PDE9A: variants seen among roughly 807,000 people sequenced by gnomAD.
PDE9A encodes the protein phosphodiesterase 9A.
PDE9A carries 60 observed loss-of-function variants against 87.4 expected under a neutral mutation model. That is an observed-to-expected ratio of 0.69 (90% CI 0.56 to 0.85). PDE9A has a LOEUF of 0.85. Among genes scored for constraint, PDE9A ranks in the 40% least tolerant of loss-of-function variants. PDE9A has a pLI of 0.00. For synonymous variants in PDE9A, 272 were observed against 279.4 expected (o/e 0.97, Z 0.27); for missense variants, 665 against 779.0 (o/e 0.85, Z 1.74).
chr21:42,665,036 C>G (rs1450855736), intron 1 of PDE9A, among the ~76,000 whole-genome samples: 1 of 152,226 alleles, frequency 6.6e-6, no homozygotes, highest in Admixed American at 6.5e-5. Flanking sequence ...AGCCCATATG[C>G]CCGCCATCCT....
Position 42,726,624 on chromosome 21 carries a change from A to ATATTTTTTTT in PDE9A, c.263-5145_263-5144insATTTTTTTTT. 3.0e-3 allele frequency among the ~76,000 whole-genome samples: 59 copies of ATATTTTTTTT among 19,774 alleles called. 2 individuals are homozygous for ATATTTTTTTT. The highest frequency in any genetic ancestry group is 0.012 in the South Asian group (3 of 246). 13.0% of individuals were successfully genotyped at this position (19,774 alleles called of 152,430 possible). On this transcript the variant is annotated intron_variant, in intron 4 of 19. Transcript: ENST00000291539. Reference sequence around the variant, plus strand: ...TATATATATATATATATATATATATATTTTTTTTTTTTTTTTTGTAGAGAT... The same window carrying ATATTTTTTTT: ...TATATATATATATATATATATATATATATTTTTTTTTTTTTTTTTTTTTTTTTGTAGAGAT...
chr21:42,735,773 CT>C (rs2052341165), intron 7 of PDE9A, among the ~76,000 whole-genome samples: 1 of 152,150 alleles, frequency 6.6e-6, no homozygotes. Context: ...TGCCAAGGAC[CT>C]TTTTCTACAT....
intron 4 of PDE9A, among the ~76,000 whole-genome samples, chr21:42,727,077 CAA>C (rs34249348): frequency 0.032 from 2,599 of 81,658 alleles, 9 homozygotes; most frequent in Middle Eastern, 0.069. Flanking sequence ...TCTATTTCTA[CAA>C]AAAAAAAAAA....
At chr21:42,667,785 G>A (rs1032086111) in intron 1 of PDE9A, among the ~76,000 whole-genome samples, 29 of 152,024 alleles carry the variant, frequency 1.9e-4, no homozygotes, top group African/African-American at 7.0e-4. Flanking sequence ...ACCCCCTGCT[G>A]TTTGGTCCAG....
chr21:42,769,683 GGCACA>G (rs1569280467), intron 17 of PDE9A, among the ~76,000 whole-genome samples: 6 of 41,806 alleles, frequency 1.4e-4, no homozygotes, highest in South Asian at 1.3e-3. Context: ...TGCACACACA[GGCACA>G]CACATACACA....
chr21:42,658,967 C>T (rs1190344509), intron 1 of PDE9A, among the ~76,000 whole-genome samples: 1 of 152,056 alleles, frequency 6.6e-6, no homozygotes, highest in African/African-American at 2.4e-5. Context: ...TGGCTGGGGA[C>T]GACTCCCCTG....
At chr21:42,732,449 G>A (rs1288434641) in intron 6 of PDE9A, among the ~76,000 whole-genome samples, 3 of 152,214 alleles carry the variant, frequency 2.0e-5, no homozygotes, top group Admixed American at 6.5e-5. Flanking sequence ...TGGAAAATAA[G>A]CTTCCTCGCT....
chr21:42,692,335 G>A lies in PDE9A; in HGVS notation c.218+4341G>A, dbSNP rs1222436927. ...AGGGCCTGCTACTTGTATCTGATGG[G>A]TGGAGACCCGGGATGCCAATGGCAT... On this transcript the variant is annotated intron_variant, in intron 3 of 19. Transcript: ENST00000291539. This position sits in a 1 kb window ranked among gnomAD's most constrained non-coding sequence, Gnocchi z 4.3. 1.3e-5 allele frequency among the ~76,000 whole-genome samples: 2 copies of A among 152,148 alleles called. No individual in the cohort carries two copies. Among genetic ancestry groups the A allele is most frequent in the Non-Finnish European group, 2.9e-5 (2 of 68,028 alleles).
At chr21:42,670,028 CCAT>C (rs1392774778) in intron 1 of PDE9A, among the ~76,000 whole-genome samples, 1 of 151,844 alleles carries the variant, frequency 6.6e-6, no homozygotes, top group African/African-American at 2.4e-5. Context: ...AAGGAAAGCA[CCAT>C]GTTTCACCTT....
In PDE9A at chr21:42,759,034, C is replaced by T. The variant is rs148908136; in HGVS notation, c.846C>T (p.Leu282=). ...GCCTGGAGCACATGTACCACGACCT[C>T]GGGCTGGTCAGGGACTTCAGCATCA... ...LSCLEHMYHD[L]GLVRDFSINP... The change falls in exon 11 of 20, where the codon CTC becomes CTT. Residue 282 remains leucine (L), a synonymous_variant. Coordinates refer to ENST00000291539, the MANE Select transcript of PDE9A (RefSeq NM_002606.3). The surrounding 1 kb of genome is among the most constrained non-coding windows in gnomAD (Gnocchi z 7.2). 1.7e-4 allele frequency: 275 copies of T among 1,614,116 alleles called. No homozygotes were observed. The African/African-American group carries it at 2.9e-3, about 17-fold the overall frequency.
In PDE9A at chr21:42,723,565, C is replaced by G. The variant is rs933569325; in HGVS notation, c.263-8205C>G. On this transcript the variant is annotated intron_variant, in intron 4 of 19. Transcript: ENST00000291539. This position sits in a 1 kb window ranked among gnomAD's most constrained non-coding sequence, Gnocchi z 4.3. ...GTATCTAGAGGTAAATCCCCATCAGCTTGGAGCAGCACCATGAAATCCACT... is the reference window on the plus strand; with the variant it reads ...GTATCTAGAGGTAAATCCCCATCAGGTTGGAGCAGCACCATGAAATCCACT... Among the ~76,000 whole-genome samples, 1 of 152,190 alleles carries G rather than the reference C, an allele frequency of 6.6e-6. No individual in the cohort carries two copies. The highest frequency in any genetic ancestry group is 1.5e-5 in the Non-Finnish European group (1 of 68,030).
chr21:42,670,347 TACACACACATCC>T (rs796146108), intron 1 of PDE9A, among the ~76,000 whole-genome samples: 2,543 of 103,252 alleles, frequency 0.025, 72 homozygotes, highest in African/African-American at 0.14. Flanking sequence ...CACATACATT[TACACACACATCC>T]ACACACACAT....
chr21:42,765,832 T>A (rs1407580188), intron 15 of PDE9A, among the ~76,000 whole-genome samples: 2 of 152,196 alleles, frequency 1.3e-5, no homozygotes, highest in African/African-American at 2.4e-5. Context: ...AGCATGGCAC[T>A]CTGAAAGCCC....
chr21:42,662,866 G>A (rs574683624), intron 1 of PDE9A, among the ~76,000 whole-genome samples: 12 of 75,810 alleles, frequency 1.6e-4, no homozygotes, highest in East Asian at 4.3e-4. Context: ...CATCACACAC[G>A]TACACACCAC....
chr21:42,691,256 A>G (rs968620309), intron 3 of PDE9A, among the ~76,000 whole-genome samples: 1 of 145,510 alleles, frequency 6.9e-6, no homozygotes, highest in African/African-American at 2.6e-5. Context: ...ACCCATCACC[A>G]TCTCCATCTA....
At chr21:42,662,478 C>G (rs968564760) in intron 1 of PDE9A, among the ~76,000 whole-genome samples, 1 of 151,440 alleles carries the variant, frequency 6.6e-6, no homozygotes, top group African/African-American at 2.4e-5. Context: ...ACCCACCACA[C>G]ACACACACCA....
intron 4 of PDE9A, among the ~76,000 whole-genome samples, chr21:42,719,409 T>C (rs2050258977): frequency 6.6e-6 from 1 of 151,476 alleles, no homozygotes; most frequent in Non-Finnish European, 1.5e-5. Flanking sequence ...CCGAGGTGGG[T>C]GGATCAACTG....
intron 1 of PDE9A, among the ~76,000 whole-genome samples, chr21:42,671,574 T>C (rs1258292325): frequency 6.6e-6 from 1 of 152,220 alleles, no homozygotes; most frequent in Non-Finnish European, 1.5e-5. Flanking sequence ...CAAATGTGTA[T>C]ATATATAATT....
Position 42,694,489 on chromosome 21 carries a change from C to T in PDE9A, c.219-4479C>T, listed in dbSNP as rs566961272. ...AATTCCAAGGGCTCTTGACAGACCA[C>T]CTCCATCCTGATCAGAAGGGGTGAT... On this transcript the variant is annotated intron_variant, in intron 3 of 19. Coordinates refer to ENST00000291539, the MANE Select transcript of PDE9A (RefSeq NM_002606.3). The surrounding 1 kb of genome is among the most constrained non-coding windows in gnomAD (Gnocchi z 5.3). Among the ~76,000 whole-genome samples, 1 of 152,322 alleles carries T rather than the reference C, an allele frequency of 6.6e-6. No homozygotes were observed. Among genetic ancestry groups the T allele is most frequent in the South Asian group, 2.1e-4 (1 of 4,830 alleles).
Sources: gnomAD v4.1 joint callset for allele counts (sites outside exome capture counted in the v4.1 genomes callset) on GRCh38, gnomAD v4.1.1 for gene constraint, Gnocchi (gnomAD v3.1) non-coding constraint, MANE v1.5 for transcripts, NCBI Gene and HGNC (gene_info 2026-07-23, HGNC 2026-07-21) for gene names.